The following SUGCT variants were observed in gnomAD, a reference collection of about 807,000 sequenced individuals.
SUGCT encodes succinyl-CoA:glutarate CoA-transferase.
In SUGCT, 41 loss-of-function variants were observed where a neutral mutation model predicts 55.0. The ratio of observed to expected loss-of-function variants is 0.74; its 90% CI spans 0.58 to 0.97. The LOEUF is 0.97. Ranked by LOEUF, SUGCT falls within the 50% of genes least tolerant of loss-of-function variation. SUGCT has a pLI of 0.00. For synonymous variants in SUGCT, 187 were observed against 200.4 expected, an observed-to-expected ratio of 0.93 and a Z score of 0.56; for missense variants, 568 against 547.8, an observed-to-expected ratio of 1.04 and a Z score of -0.37.
At chr7:40,840,656 GA>G (rs201709851) in intron 13 of SUGCT, among the ~76,000 whole-genome samples, 196 of 151,550 alleles carry the variant, frequency 1.3e-3, no homozygotes, top group African/African-American at 4.4e-3. Flanking sequence ...AAACTAGGGG[GA>G]AAAAAAGTAA....
intron 9 of SUGCT, among the ~76,000 whole-genome samples, chr7:40,381,444 T>A (rs1280850474): frequency 7.9e-6 from 1 of 126,692 alleles, no homozygotes; most frequent in Non-Finnish European, 1.7e-5. Flanking sequence ...ACTTTTATAA[T>A]TTTATGTTCT....
intron 13 of SUGCT, among the ~76,000 whole-genome samples, chr7:40,846,466 G>A (rs1793562315): frequency 1.3e-5 from 2 of 151,966 alleles, no homozygotes; most frequent in Non-Finnish European, 2.9e-5. Context: ...ACTTTGAGGG[G>A]AGACAGCATG....
chr7:40,547,224 C>T (rs1483277909), intron 12 of SUGCT, among the ~76,000 whole-genome samples: 4 of 152,114 alleles, frequency 2.6e-5, no homozygotes, highest in Non-Finnish European at 2.9e-5. Context: ...AAAGTTCCCT[C>T]GTAGCCTTTT....
the SUGCT span, among the ~76,000 whole-genome samples, chr7:40,906,136 T>A: frequency 6.9e-6 from 1 of 145,066 alleles, no homozygotes; most frequent in South Asian, 2.2e-4. Flanking sequence ...TTGTTTTTTG[T>A]TTTTTTTTTT....
chr7:40,669,830 C>T (rs1353797579), intron 12 of SUGCT, among the ~76,000 whole-genome samples: 4 of 151,738 alleles, frequency 2.6e-5, no homozygotes, highest in African/African-American at 9.7e-5. Context: ...AGCCCTGTTA[C>T]TGGAGACCAG....
At chr7:40,268,462 A>G (rs1791758500) in intron 7 of SUGCT, among the ~76,000 whole-genome samples, 1 of 152,100 alleles carries the variant, frequency 6.6e-6, no homozygotes, top group Admixed American at 6.6e-5. Context: ...ATCCCACCGT[A>G]TTGTATTAGT....
At chr7:40,221,988 C>T (rs777231681) in intron 6 of SUGCT, among the ~76,000 whole-genome samples, 3 of 152,154 alleles carry the variant, frequency 2.0e-5, no homozygotes, top group Non-Finnish European at 4.4e-5. Flanking sequence ...AAGAGAATGT[C>T]TGGAGGGCTG....
At chr7:40,292,468 G>A (rs528332443) in intron 8 of SUGCT, among the ~76,000 whole-genome samples, 24 of 152,140 alleles carry the variant, frequency 1.6e-4, no homozygotes, top group African/African-American at 3.9e-4. Context: ...TAAAGGAAGC[G>A]GCAGACACTT....
the SUGCT span, among the ~76,000 whole-genome samples, chr7:41,011,870 G>A: frequency 6.6e-5 from 10 of 151,974 alleles, no homozygotes; most frequent in African/African-American, 2.4e-4. Flanking sequence ...AATTCCTGCT[G>A]TTCCAACCCC....
intron 12 of SUGCT, among the ~76,000 whole-genome samples, chr7:40,512,669 G>A (rs1255586058): frequency 6.6e-6 from 1 of 151,788 alleles, no homozygotes; most frequent in Non-Finnish European, 1.5e-5. Context: ...TTTTTAAGAT[G>A]GTAAGATGTT....
chr7:40,798,716 A>G (rs371279095), intron 13 of SUGCT, among the ~76,000 whole-genome samples: 9 of 150,224 alleles, frequency 6.0e-5, no homozygotes, highest in Non-Finnish European at 1.2e-4. Flanking sequence ...CTTTCTGAGC[A>G]TTATAATCCC....
intron 13 of SUGCT, among the ~76,000 whole-genome samples, chr7:40,847,657 T>A (rs1793640909): frequency 6.6e-6 from 1 of 152,044 alleles, no homozygotes; most frequent in Non-Finnish European, 1.5e-5. Context: ...CCTCATGATC[T>A]GCCCACCTCA....
At chr7:40,414,610 A>T (rs1047418030) in intron 9 of SUGCT, among the ~76,000 whole-genome samples, 1 of 152,152 alleles carries the variant, frequency 6.6e-6, no homozygotes, top group African/African-American at 2.4e-5. Flanking sequence ...CATTAAAAAA[A>T]AATTCGGCCA....
chr7:40,793,455 A>G (rs1009453387), intron 13 of SUGCT, among the ~76,000 whole-genome samples: 1 of 152,178 alleles, frequency 6.6e-6, no homozygotes, highest in African/African-American at 2.4e-5. Flanking sequence ...TTGTGGCTGC[A>G]TTCTTGCTGT....
the SUGCT span, among the ~76,000 whole-genome samples, chr7:41,027,077 A>C: frequency 6.6e-6 from 1 of 152,158 alleles, no homozygotes; most frequent in Non-Finnish European, 1.5e-5. Context: ...AAAAACAAAA[A>C]CATCTTTCTA....
chr7:40,478,944 T>C (rs1053054861), intron 11 of SUGCT, among the ~76,000 whole-genome samples: 3 of 152,148 alleles, frequency 2.0e-5, no homozygotes, highest in African/African-American at 7.2e-5. Flanking sequence ...TATTTGTCTT[T>C]CTGTGTCTGA....
At chr7:40,558,331 C>T (rs150533820) in intron 12 of SUGCT, among the ~76,000 whole-genome samples, 228 of 152,208 alleles carry the variant, frequency 1.5e-3, no homozygotes, top group African/African-American at 5.0e-3. Context: ...ATCATAGCAA[C>T]GTTAGTCACA....
chr7:40,928,801 A>G, the SUGCT span, among the ~76,000 whole-genome samples: 1 of 151,834 alleles, frequency 6.6e-6, no homozygotes, highest in Non-Finnish European at 1.5e-5. Context: ...GGATTTCACC[A>G]TGTTGGCCAG....
chr7:40,886,761 T>G, the SUGCT span, among the ~76,000 whole-genome samples: 1 of 152,194 alleles, frequency 6.6e-6, no homozygotes, highest in Non-Finnish European at 1.5e-5. Context: ...CATGTTGGTA[T>G]GCAGTAAGCA....
Sources: allele counts gnomAD v4.1 joint callset (sites outside exome capture counted in the v4.1 genomes callset), GRCh38; gene constraint gnomAD v4.1.1; transcripts MANE v1.5; gene names NCBI Gene and HGNC (gene_info 2026-07-23, HGNC 2026-07-21).